Variants in MSTN observed in about 807,000 individuals in gnomAD.
The protein encoded by MSTN is growth/differentiation factor 8.
MSTN carries 12 observed loss-of-function variants against 32.3 expected under a neutral mutation model. The observed-to-expected ratio is 0.37, with a 90% CI of 0.24 to 0.60. MSTN has a LOEUF of 0.60. Ranked by LOEUF, MSTN falls within the 20% of genes least tolerant of loss-of-function variation. The probability of loss-of-function intolerance (pLI) is 0.67; values close to 1 mark genes in which losing one functional copy is unlikely to be tolerated. For missense variants in MSTN, 403 were observed against 450.3 expected, an observed-to-expected ratio of 0.89 and a Z score of 0.95; for synonymous variants, 168 against 155.1, an observed-to-expected ratio of 1.08 and a Z score of -0.62.
rs774592036 is a variant in MSTN, at chr2:190,057,289, G to T, written c.1097C>A (p.Ala366Glu). ...KEQIIYGKIP[A>E]MVVDRCGCS ...GCACCCACAGCGGTCTACTACCATC[G>T]CTGGAATTTTCCCATATATTATTTG... Residue 366 changes from alanine (A) to glutamate (E), a missense_variant, in exon 3 of 3, where the codon GCG becomes GAG. Transcript: ENST00000260950. 1 of 1,613,098 alleles carries T rather than the reference G, an allele frequency of 6.2e-7. No individual in the cohort carries two copies. The highest frequency in any genetic ancestry group is 1.3e-5 in the African/African-American group (1 of 74,834).
At chr2:190,061,628 A>G (rs1027701904) in intron 1 of MSTN, among the ~76,000 whole-genome samples, 3 of 152,002 alleles carry the variant, frequency 2.0e-5, no homozygotes, top group Non-Finnish European at 4.4e-5. Flanking sequence ...TTATTATGCT[A>G]TGTTTACTTC....
At position 190,055,817 on chromosome 2, in the gene MSTN, T is replaced by C. The variant is rs1233924510; in HGVS notation, c.*1441A>G. On this transcript the variant is annotated 3_prime_UTR_variant, in exon 3 of 3. Coordinates refer to ENST00000260950, the MANE Select transcript of MSTN (RefSeq NM_005259.3). ...ATAAATTTGATTAACAAAATCCCAA[T>C]TTACAAAACAGAAGTAAATAAATGC... 2 of 152,110 alleles carry C rather than the reference T, an allele frequency of 1.3e-5. No homozygotes were observed. The highest frequency in any genetic ancestry group is 2.4e-5 in the African/African-American group (1 of 41,430). The allele number at this position is 152,110 out of a possible 1,614,324, so 9.4% of individuals were successfully genotyped here.
chr2:190,062,359 G>A lies in MSTN; in HGVS notation c.238C>T (p.Leu80Phe). 1 of 1,613,396 alleles carries A rather than the reference G, an allele frequency of 6.2e-7. No homozygotes were observed. Among genetic ancestry groups the A allele is most frequent in the Non-Finnish European group, 8.5e-7 (1 of 1,179,594 alleles). The change falls in exon 1 of 3, where the codon CTT becomes TTT. Residue 80 changes from leucine to phenylalanine, a missense_variant. By Grantham distance (22) the Leu-to-Phe change is conservative. Coordinates refer to ENST00000260950, the MANE Select transcript of MSTN (RefSeq NM_005259.3). ...PNISKDVIRQ[L>F]LPKAPPLREL... ...CGGAGTGGAGGAGCTTTGGGTAAAA[G>A]TTGTCTTATAACATCTTTGCTGATG...
Position 190,057,651 on chromosome 2 carries a change from G to C in MSTN, c.748-13C>G. 2.5e-6 allele frequency: 4 copies of C among 1,612,572 alleles called. No homozygotes were observed. Among genetic ancestry groups the C allele is most frequent in the Non-Finnish European group, 3.4e-6 (4 of 1,178,900 alleles). ...CTAAAAACGGATTCTGTTTGAAAAG[G>C]AAAGAACAATCAGTAATATCAATAG... On this transcript the variant is annotated splice_polypyrimidine_tract_variant and intron_variant, in intron 2 of 2. Transcript: ENST00000260950.
Position 190,060,419 on chromosome 2 carries a change from T to C in MSTN, c.390A>G (p.Gln130=), listed in dbSNP as rs1685560877. 28 of 1,609,982 alleles carry C rather than the reference T, an allele frequency of 1.7e-5. No homozygotes were observed. The highest frequency in any genetic ancestry group is 2.4e-5 in the Non-Finnish European group (28 of 1,178,408). ...AGCAACATTTGGGTTTTCCATCCAC[T>C]TGCATTAGAAAATCAGCTATAAATG... ...TMPTESDFLM[Q]VDGKPKCCFF... The change falls in exon 2 of 3, where the codon CAA becomes CAG. Residue 130 remains glutamine, a synonymous_variant. Transcript: ENST00000260950.
intron 2 of MSTN, among the ~76,000 whole-genome samples, chr2:190,059,669 C>A (rs1685537970): frequency 6.6e-6 from 1 of 151,682 alleles, no homozygotes; most frequent in South Asian, 2.1e-4. Context: ...CATTTGGCAC[C>A]CTTCTGGGAG....
intron 2 of MSTN, among the ~76,000 whole-genome samples, chr2:190,059,540 T>C (rs1051086757): frequency 2.6e-5 from 4 of 151,954 alleles, no homozygotes; most frequent in African/African-American, 9.7e-5. Flanking sequence ...TTGAGAAACC[T>C]TAAATATATT....
In MSTN at chr2:190,062,278, C is replaced by T; in HGVS notation, c.319G>A (p.Glu107Lys). 6.2e-7 allele frequency: 1 copy of T among 1,613,180 alleles called. No homozygotes were observed. Among genetic ancestry groups the T allele is most frequent in the Non-Finnish European group, 8.5e-7 (1 of 1,179,354 alleles). ...GTTGTAGCGTGATAATCGTCATCTT[C>T]CAAAGAGCCATCGCTGCTGTCATCC... ...QRDDSSDGSL[E>K]DDDYHATTET... The change falls in exon 1 of 3, where the codon GAA becomes AAA. Residue 107 changes from glutamate to lysine, a missense_variant. Coordinates refer to ENST00000260950, the MANE Select transcript of MSTN (RefSeq NM_005259.3).
chr2:190,057,641 G>A lies in MSTN; in HGVS notation c.748-3C>T, dbSNP rs374256136. ...ACCTTGACCTCTAAAAACGGATTCTGTTTGAAAAGGAAAGAACAATCAGTA... is the reference window on the plus strand; with the variant it reads ...ACCTTGACCTCTAAAAACGGATTCTATTTGAAAAGGAAAGAACAATCAGTA... On this transcript the variant is annotated splice_polypyrimidine_tract_variant and splice_region_variant and intron_variant, in intron 2 of 2. Transcript: ENST00000260950. 1.4e-4 allele frequency: 225 copies of A among 1,612,816 alleles called. No individual in the cohort carries two copies. Among genetic ancestry groups the A allele is most frequent in the Non-Finnish European group, 1.8e-4 (217 of 1,179,182 alleles).
chr2:190,062,525 A>G lies in MSTN; in HGVS notation c.72T>C (p.Asn24=), dbSNP rs1320840109. 2 of 1,613,358 alleles carry G rather than the reference A, an allele frequency of 1.2e-6. No homozygotes were observed. Among genetic ancestry groups the G allele is most frequent in the East Asian group, 2.2e-5 (1 of 44,876 alleles). Residue 24 remains asparagine, a synonymous_variant, in exon 1 of 3, where the codon AAT becomes AAC. Coordinates refer to ENST00000260950, the MANE Select transcript of MSTN (RefSeq NM_005259.3). ...MLIVAGPVDL[N]ENSEQKENVE... ...CATTTTCTTTTTGCTCACTGTTCTC[A>G]TTTAGATCCACTGGACCAGCAACAA... is the stretch of plus-strand genomic sequence containing the variant.
intron 2 of MSTN, among the ~76,000 whole-genome samples, chr2:190,058,323 T>G (rs531891025): frequency 5.3e-5 from 8 of 152,158 alleles, no homozygotes; most frequent in South Asian, 2.1e-4. Context: ...TATTAACCAC[T>G]GGACATATTA....
chr2:190,057,354 C>T lies in MSTN; in HGVS notation c.1032G>A (p.Lys344=), dbSNP rs763773161. 1.2e-6 allele frequency: 2 copies of T among 1,613,444 alleles called. No homozygotes were observed. The highest frequency in any genetic ancestry group is 1.3e-5 in the African/African-American group (1 of 74,866). The stretch of plus-strand genomic sequence containing the variant: ...AATATAGCATATTAATTGGAGACAT[C>T]TTTGTGGGAGTACAGCAAGGGCCTG... ...GSAGPCCTPT[K]MSPINMLYFN... Residue 344 remains lysine (K), a synonymous_variant, in exon 3 of 3, where the codon AAG becomes AAA. Coordinates refer to ENST00000260950, the MANE Select transcript of MSTN (RefSeq NM_005259.3).
chr2:190,060,593 G>A (rs1575558186), intron 1 of MSTN, among the ~76,000 whole-genome samples, 158 bp from the exon 2 acceptor site: 1 of 151,996 alleles, frequency 6.6e-6, no homozygotes, highest in East Asian at 1.9e-4. Context: ...TCAAAAAAAT[G>A]TCAAAGAAAA....
rs375423318 is a variant in MSTN at position 190,057,301 on chromosome 2, C to T, written c.1085G>A (p.Gly362Glu). 3.6e-5 allele frequency: 58 copies of T among 1,613,312 alleles called. No individual in the cohort carries two copies. Among genetic ancestry groups the T allele is most frequent in the Non-Finnish European group, 4.9e-5 (58 of 1,179,526 alleles). The change falls in exon 3 of 3, where the codon GGG (glycine) becomes GAG (glutamate). Residue 362 changes from glycine (G) to glutamate (E), a missense_variant. Coordinates refer to ENST00000260950, the MANE Select transcript of MSTN (RefSeq NM_005259.3). ...GTCTACTACCATCGCTGGAATTTTCCCATATATTATTTGTTCTTTGCCATT... is the reference window on the plus strand; with the variant it reads ...GTCTACTACCATCGCTGGAATTTTCTCATATATTATTTGTTCTTTGCCATT... The part of the protein sequence containing the change: ...YFNGKEQIIY[G>E]KIPAMVVDRC...
At chr2:190,060,463 G>T in intron 1 of MSTN, 28 bp from the exon 2 acceptor site, 1 of 1,593,588 alleles carries the variant, frequency 6.3e-7, no homozygotes, top group Non-Finnish European at 8.5e-7. Flanking sequence ...AAGAAAAGTT[G>T]CTGAAATTAT....
rs764230030 is a variant in MSTN, at chr2:190,060,102, T to A, written c.707A>T (p.Asp236Val). The A allele has an allele frequency of 6.2e-7, 1 of 1,612,798 alleles. No homozygotes were observed. The highest frequency in any genetic ancestry group is 8.5e-7 in the Non-Finnish European group (1 of 1,179,052). ...TGGTCCTGGGAAGGTTACAGCAAGA[T>A]CATGACCATTCTCATCTAAAGCTTT... ...EIKALDENGH[D>V]LAVTFPGPGE... Residue 236 changes from aspartate (D) to valine (V), a missense_variant, in exon 2 of 3, where the codon GAT (aspartate) becomes GTT (valine). By Grantham distance (152) the Asp-to-Val change is radical. Coordinates refer to ENST00000260950, the MANE Select transcript of MSTN (RefSeq NM_005259.3).
rs781131536 is a variant in MSTN at position 190,057,404 on chromosome 2, G to T, written c.982C>A (p.His328Asn). The T allele has an allele frequency of 9.3e-6, 15 of 1,613,594 alleles. No homozygotes were observed. In the South Asian group the frequency reaches 1.6e-4, roughly 18 times the overall value. The change falls in exon 3 of 3, where the codon CAC (histidine) becomes AAC (asparagine). Residue 328 changes from histidine (H) to asparagine (N), a missense_variant. By Grantham distance (68) the His-to-Asn change is moderately conservative. Coordinates refer to ENST00000260950, the MANE Select transcript of MSTN (RefSeq NM_005259.3). The part of the protein sequence containing the change: ...LQKYPHTHLV[H>N]QANPRGSAGP... ...GCTGAACCTCTGGGGTTTGCTTGGT[G>T]TACCAGATGAGTATGAGGATATTTT...
In MSTN at chr2:190,060,261, C is replaced by A. The variant is rs1449289628; in HGVS notation, c.548G>T (p.Gly183Val). 1 of 1,613,124 alleles carries A rather than the reference C, an allele frequency of 6.2e-7. No individual in the cohort carries two copies. The highest frequency in any genetic ancestry group is 1.1e-5 in the South Asian group (1 of 91,048). ...AGATCGGATTCCAGTATACCTTGTA[C>A]CGTCTTTCATAGGTTTGATGAGTCT... ...ILRLIKPMKD[G>V]TRYTGIRSLK... The change falls in exon 2 of 3, where the codon GGT (glycine) becomes GTT (valine). Residue 183 changes from glycine to valine, a missense_variant. Gly to Val is a moderately radical substitution (Grantham distance 109). Coordinates refer to ENST00000260950, the MANE Select transcript of MSTN (RefSeq NM_005259.3).
At chr2:190,061,692 G>C (rs1260912605) in intron 1 of MSTN, among the ~76,000 whole-genome samples, 1 of 151,938 alleles carries the variant, frequency 6.6e-6, no homozygotes, top group Non-Finnish European at 1.5e-5. Context: ...ATTCTTCAGT[G>C]TAATAGCTCT....
Sources: allele counts gnomAD v4.1 joint callset (sites outside exome capture counted in the v4.1 genomes callset), GRCh38; gene constraint gnomAD v4.1.1; transcripts MANE v1.5; gene names NCBI Gene and HGNC (gene_info 2026-07-23, HGNC 2026-07-21).